Variants in HECTD4 observed in about 807,000 individuals in gnomAD.
HECTD4 encodes HECT domain E3 ubiquitin protein ligase 4.
In HECTD4, 114 loss-of-function variants were observed where a neutral mutation model predicts 471.5. That is an observed-to-expected ratio of 0.24 (90% confidence interval 0.21 to 0.28). The LOEUF is 0.28. Ranked by LOEUF, HECTD4 falls within the 10% of genes least tolerant of loss-of-function variation. HECTD4 has a pLI of 1.00. For missense variants in HECTD4, 3,866 were observed against 5,651.5 expected, an observed-to-expected ratio of 0.68 and a Z score of 10.13; for synonymous variants, 2,012 against 2,256.0, an observed-to-expected ratio of 0.89 and a Z score of 3.07.
intron 59 of HECTD4, among the ~76,000 whole-genome samples, chr12:112,192,114 G>A (rs914199056): frequency 2.6e-5 from 4 of 152,238 alleles, no homozygotes; most frequent in African/African-American, 9.6e-5. Flanking sequence ...ATGCCCAGGA[G>A]ATGAGAGCAA....
chr12:112,250,319 A>G lies in HECTD4; in HGVS notation c.3775T>C (p.Ser1259Pro), dbSNP rs1453863457. Reference sequence around the variant, plus strand: ...TCCTCTATGGTCAGAGGCAGTGGAGAGGGGCTCGGAGTAAGGGCAGGGGAG... The same window carrying G: ...TCCTCTATGGTCAGAGGCAGTGGAGGGGGGCTCGGAGTAAGGGCAGGGGAG... ...VISPALTPSP[S>P]PLPLTIEEDR... Residue 1259 changes from serine (S) to proline (P), a missense_variant, in exon 25 of 76, where the codon TCT (serine) becomes CCT (proline). Transcript: ENST00000682272. The G allele has an allele frequency of 6.2e-7, 1 of 1,613,790 alleles. No homozygotes were observed. The highest frequency in any genetic ancestry group is 8.5e-7 in the Non-Finnish European group (1 of 1,179,852).
At chr12:112,368,162 A>T (rs1251988445) in intron 1 of HECTD4, among the ~76,000 whole-genome samples, 1 of 152,224 alleles carries the variant, frequency 6.6e-6, no homozygotes, top group Non-Finnish European at 1.5e-5. Context: ...CTGACCTAGT[A>T]ATTCAGCCAA....
intron 7 of HECTD4, among the ~76,000 whole-genome samples, chr12:112,299,907 C>T (rs192532379): frequency 6.6e-5 from 10 of 152,244 alleles, no homozygotes; most frequent in African/African-American, 1.9e-4. Context: ...CATAACTATA[C>T]GTCTAAATAT....
At chr12:112,282,112 G>GGT (rs1356335930) in intron 8 of HECTD4, among the ~76,000 whole-genome samples, 13 of 152,214 alleles carry the variant, frequency 8.5e-5, no homozygotes, top group African/African-American at 2.9e-4. Context: ...AGCCAGGCGC[G>GGT]GTGGCTCACG....
chr12:112,313,179 A>G, intron 3 of HECTD4, 32 bp from the exon 4 acceptor site: 2 of 1,511,264 alleles, frequency 1.3e-6, no homozygotes, highest in Non-Finnish European at 1.8e-6. Context: ...TCACAAAGAC[A>G]CTGAGACAAT....
rs776749028 is a variant in HECTD4 at position 112,185,500 on chromosome 12, C to G, written c.9473-7G>C. On this transcript the variant is annotated splice_region_variant and splice_polypyrimidine_tract_variant and intron_variant, in intron 60 of 75. Transcript: ENST00000682272. ...GTGGTCCACAAGAAGTTTCCTGAGG[C>G]AAATGAAAATAGTAACAGTAATTAC... 6.1e-5 allele frequency: 94 copies of G among 1,533,122 alleles called. 2 individuals are homozygous for G. In the East Asian group the frequency reaches 2.1e-3, roughly 34 times the overall value. 95.0% of individuals were successfully genotyped at this position (1,533,122 alleles called of 1,614,324 possible). A position where few individuals can be genotyped will look rare whatever the true frequency, so the allele number is the denominator to read the frequency against.
Position 112,382,236 on chromosome 12 carries a change from C to T in HECTD4, c.-108G>A. ...TGGCAGCGGCCGCCGCGCCCGCCAG[C>T]GGCGCCCCACTTGCTGCCTCGCCCG... On this transcript the variant is annotated 5_prime_UTR_variant, in exon 1 of 76. Transcript: ENST00000682272. 1.0e-6 allele frequency: 1 copy of T among 969,232 alleles called. No individual in the cohort carries two copies. The highest frequency in any genetic ancestry group is 1.3e-6 in the Non-Finnish European group (1 of 757,444). 60.0% of individuals were successfully genotyped at this position (969,232 alleles called of 1,614,324 possible). A position where few individuals can be genotyped will look rare whatever the true frequency, so the allele number is the denominator to read the frequency against.
At chr12:112,238,823 C>T (rs2033575870) in intron 34 of HECTD4, among the ~76,000 whole-genome samples, 1 of 152,136 alleles carries the variant, frequency 6.6e-6, no homozygotes, top group Admixed American at 6.5e-5. Flanking sequence ...CCTGGGATTA[C>T]TGTACTCCTT....
At chr12:112,331,985 C>T (rs2035852569) in intron 1 of HECTD4, among the ~76,000 whole-genome samples, 1 of 151,974 alleles carries the variant, frequency 6.6e-6, no homozygotes, top group African/African-American at 2.4e-5. Flanking sequence ...GATGATTTGA[C>T]TAATCTGGAA....
chr12:112,372,345 C>T (rs921395384), intron 1 of HECTD4, among the ~76,000 whole-genome samples: 1 of 152,010 alleles, frequency 6.6e-6, no homozygotes, highest in African/African-American at 2.4e-5. Flanking sequence ...CTGCAAGCTC[C>T]GCCTCCTGGG....
chr12:112,193,228 A>G lies in HECTD4; in HGVS notation c.8956-37T>C, dbSNP rs192999652. On this transcript the variant is annotated intron_variant, in intron 57 of 75. Coordinates refer to ENST00000682272, the MANE Select transcript of HECTD4 (RefSeq NM_001388303.1). This position sits in a 1 kb window ranked among gnomAD's most constrained non-coding sequence, Gnocchi z 5.2. ...CACTGAATAAGGAAAGCCACGGGCT[A>G]AACACAGGGACAGCATTTCATCTTC... The G allele has an allele frequency of 1.5e-5, 24 of 1,608,542 alleles. No homozygotes were observed. The Admixed American group carries it at 1.5e-4, about 10-fold the overall frequency.
intron 7 of HECTD4, among the ~76,000 whole-genome samples, chr12:112,290,447 C>A (rs370548917): frequency 1.3e-5 from 2 of 151,714 alleles, no homozygotes; most frequent in East Asian, 1.9e-4. Flanking sequence ...ATCGCTTGAG[C>A]CTGCAAGGTT....
Position 112,229,849 on chromosome 12 carries a change from T to A in HECTD4, c.6368A>T (p.Gln2123Leu), listed in dbSNP as rs2033330821. 4.3e-6 allele frequency: 7 copies of A among 1,613,970 alleles called. No homozygotes were observed. The highest frequency in any genetic ancestry group is 5.9e-6 in the Non-Finnish European group (7 of 1,179,866). ...VLSRALMYIPQLGKYAESILE... is the reference protein window; with the variant it reads ...VLSRALMYIPLLGKYAESILE... ...AATGCTTTCTGCGTATTTCCCCAAT[T>A]GTGGAATGTACATCAGTGCTCTAGA... is the stretch of plus-strand genomic sequence containing the variant. The change falls in exon 41 of 76, where the codon CAA becomes CTA. Residue 2123 changes from glutamine (Q) to leucine (L), a missense_variant. Gln to Leu is a moderately radical substitution (Grantham distance 113). This residue lies in a region of HECTD4 where 617 missense variants were observed against 915.1 expected (regional missense o/e 0.67). Coordinates refer to ENST00000682272, the MANE Select transcript of HECTD4 (RefSeq NM_001388303.1).
chr12:112,169,936 C>A lies in HECTD4; in HGVS notation c.12053-278G>T, dbSNP rs2031146025. 1.0e-5 allele frequency: 6 copies of A among 573,264 alleles called. No individual in the cohort carries two copies. In the Admixed American group the frequency reaches 1.5e-4, roughly 14 times the overall value. 35.5% of individuals were successfully genotyped at this position (573,264 alleles called of 1,614,324 possible). ...CTCTGCCTCTTGGGGAGGTCCTCGCCCCCCAACTCCTCTCTCGTTTCCTCT... is the reference window on the plus strand; with the variant it reads ...CTCTGCCTCTTGGGGAGGTCCTCGCACCCCAACTCCTCTCTCGTTTCCTCT... On this transcript the variant is annotated intron_variant, in intron 69 of 75. Coordinates refer to ENST00000682272, the MANE Select transcript of HECTD4 (RefSeq NM_001388303.1).
chr12:112,192,995 A>G, intron 58 of HECTD4, 66 bp downstream of exon 58: 1 of 1,584,324 alleles, frequency 6.3e-7, no homozygotes. Flanking sequence ...TTCCTTGGCC[A>G]GTTTCACCAG....
chr12:112,310,803 G>T (rs915628062), intron 4 of HECTD4, among the ~76,000 whole-genome samples: 7 of 152,136 alleles, frequency 4.6e-5, no homozygotes, highest in Non-Finnish European at 7.4e-5. Context: ...TTAGATTAAG[G>T]CCCAAGGCCT....
Position 112,283,311 on chromosome 12 carries a change from G to GA in HECTD4, c.1336-10dup. 1 of 1,587,482 alleles carries GA rather than the reference G, an allele frequency of 6.3e-7. No individual in the cohort carries two copies. Among genetic ancestry groups the GA allele is most frequent in the Non-Finnish European group, 8.6e-7 (1 of 1,165,868 alleles). On this transcript the variant is annotated splice_polypyrimidine_tract_variant and intron_variant, in intron 7 of 75. Transcript: ENST00000682272. Reference sequence around the variant, plus strand: ...AATACACCATTTTCAACCTAACATAGAAAAAAAGGAGGTCCTAAAATGATA... The same window carrying GA: ...AATACACCATTTTCAACCTAACATAGAAAAAAAAGGAGGTCCTAAAATGATA...
Position 112,213,809 on chromosome 12 carries a change from C to T in HECTD4, c.7466-1159G>A. ...GGCCAAGGTGGGAAGATTGCTTGAGCCCAGGAGTTCAAGACCAGCCTAGGC... is the reference window on the plus strand; with the variant it reads ...GGCCAAGGTGGGAAGATTGCTTGAGTCCAGGAGTTCAAGACCAGCCTAGGC... On this transcript the variant is annotated intron_variant, in intron 48 of 75. Transcript: ENST00000682272. This position sits in a 1 kb window ranked among gnomAD's most constrained non-coding sequence, Gnocchi z 4.0. 6.6e-6 allele frequency among the ~76,000 whole-genome samples: 1 copy of T among 150,974 alleles called. No homozygotes were observed. Among genetic ancestry groups the T allele is most frequent in the Non-Finnish European group, 1.5e-5 (1 of 67,804 alleles).
chr12:112,165,610 C>T (rs1000449204), intron 72 of HECTD4, among the ~76,000 whole-genome samples: 7 of 152,268 alleles, frequency 4.6e-5, no homozygotes, highest in African/African-American at 1.2e-4. Context: ...CTTGGCCTCC[C>T]GAAGTGCTGG....
Sources: allele counts gnomAD v4.1 joint callset (sites outside exome capture counted in the v4.1 genomes callset), GRCh38; gene constraint gnomAD v4.1.1; regional missense constraint gnomAD v4.1.1; non-coding constraint Gnocchi (gnomAD v3.1); transcripts MANE v1.5; gene names NCBI Gene and HGNC (gene_info 2026-07-23, HGNC 2026-07-21).